The following RBFOX1 variants were observed in gnomAD, a reference collection of about 807,000 sequenced individuals.
RBFOX1 encodes RNA binding protein fox-1 homolog 1.
Under a neutral mutation model 57.7 loss-of-function variants are expected in RBFOX1, and 8 were observed. The ratio of observed to expected loss-of-function variants is 0.14; its 90% CI spans 0.08 to 0.25. The LOEUF (loss-of-function observed/expected upper bound fraction) is 0.25. RBFOX1 is among the 10% of genes least tolerant of loss of function. The probability of loss-of-function intolerance (pLI) is 1.00; values close to 1 mark genes in which losing one functional copy is unlikely to be tolerated. For synonymous variants in RBFOX1, 326 were observed against 222.4 expected (o/e 1.47, Z -4.15); for missense variants, 611 against 548.5 (o/e 1.11, Z -1.14).
At chr16:5,856,604 T>TATATATATATATA (rs776623035) in intron 3 of RBFOX1, among the ~76,000 whole-genome samples, 4 of 68,108 alleles carry the variant, frequency 5.9e-5, no homozygotes, top group East Asian at 5.4e-4. Context: ...TATATATATA[T>TATATATATATATA]AATCTTAGCC....
chr16:5,936,140 T>C (rs61115346), intron 4 of RBFOX1, among the ~76,000 whole-genome samples: 8 of 152,270 alleles, frequency 5.3e-5, no homozygotes, highest in African/African-American at 1.9e-4. Context: ...GGTTGTTGTT[T>C]TGAGACAGAG....
intron 3 of RBFOX1, among the ~76,000 whole-genome samples, chr16:6,811,772 C>T (rs902697629): frequency 2.6e-5 from 4 of 152,116 alleles, no homozygotes; most frequent in African/African-American, 7.2e-5. Flanking sequence ...GCCTGTAATC[C>T]CAACTACTGG....
chr16:7,509,219 C>A (rs2074290440), intron 4 of RBFOX1, among the ~76,000 whole-genome samples: 1 of 152,190 alleles, frequency 6.6e-6, no homozygotes. Flanking sequence ...TAGCATTTGT[C>A]ACCCCTGGAA....
chr16:6,088,823 G>T (rs1054099069), intron 1 of RBFOX1, among the ~76,000 whole-genome samples: 9 of 152,112 alleles, frequency 5.9e-5, no homozygotes, highest in Non-Finnish European at 1.3e-4. Context: ...CCGGCCAGGC[G>T]CGGTGGCTCA....
chr16:5,318,280 C>A (rs377604078), intron 1 of RBFOX1, among the ~76,000 whole-genome samples: 8 of 152,140 alleles, frequency 5.3e-5, no homozygotes, highest in African/African-American at 1.9e-4. Flanking sequence ...AGGCATTCAC[C>A]ACCACACCCG....
intron 2 of RBFOX1, among the ~76,000 whole-genome samples, chr16:5,589,821 G>T (rs1351240002): frequency 6.6e-6 from 1 of 151,996 alleles, no homozygotes; most frequent in Admixed American, 6.6e-5. Context: ...CCAACTCTAC[G>T]TGACCCCCAG....
intron 4 of RBFOX1, among the ~76,000 whole-genome samples, chr16:5,989,759 G>A (rs2060354825): frequency 6.6e-6 from 1 of 151,660 alleles, no homozygotes; most frequent in African/African-American, 2.4e-5. Context: ...TTGGTCATGA[G>A]AATGATCCTG....
intron 2 of RBFOX1, among the ~76,000 whole-genome samples, chr16:6,359,840 C>G (rs890767026): frequency 3.9e-5 from 6 of 152,008 alleles, no homozygotes; most frequent in African/African-American, 1.2e-4. Flanking sequence ...AAAAAAATGC[C>G]CTCAAAACAA....
chr16:7,594,808 T>A (rs988314689), intron 7 of RBFOX1, among the ~76,000 whole-genome samples: 3 of 152,176 alleles, frequency 2.0e-5, no homozygotes, highest in Non-Finnish European at 4.4e-5. Flanking sequence ...GGATGGAAGG[T>A]TGTCAAATTC....
chr16:6,850,758 C>G (rs890981376), intron 3 of RBFOX1, among the ~76,000 whole-genome samples: 4 of 152,168 alleles, frequency 2.6e-5, no homozygotes, highest in South Asian at 2.1e-4. Flanking sequence ...TCAAAGATCA[C>G]TCAAATATTG....
intron 1 of RBFOX1, among the ~76,000 whole-genome samples, chr16:6,150,100 A>T (rs928247796): frequency 6.6e-6 from 1 of 152,184 alleles, no homozygotes; most frequent in Non-Finnish European, 1.5e-5. Context: ...ATGAAAAATC[A>T]TGGCTTTTGG....
intron 4 of RBFOX1, among the ~76,000 whole-genome samples, chr16:5,995,890 C>T (rs191491235): frequency 1.3e-5 from 2 of 152,272 alleles, no homozygotes; most frequent in African/African-American, 2.4e-5. Context: ...AGATTTATTT[C>T]TCACAGTTCT....
intron 2 of RBFOX1, among the ~76,000 whole-genome samples, chr16:5,533,867 G>C (rs1597428491): frequency 6.6e-6 from 1 of 152,144 alleles, no homozygotes; most frequent in African/African-American, 2.4e-5. Context: ...CCCAAAGAGA[G>C]GTGGGCAGGG....
chr16:7,438,587 A>C (rs759453179), intron 4 of RBFOX1, among the ~76,000 whole-genome samples: 1 of 152,136 alleles, frequency 6.6e-6, no homozygotes, highest in East Asian at 1.9e-4. Flanking sequence ...CTGAATCCCA[A>C]ACTTGTGTGC....
chr16:7,345,553 T>G (rs1275971930), intron 4 of RBFOX1, among the ~76,000 whole-genome samples: 1 of 152,066 alleles, frequency 6.6e-6, no homozygotes, highest in Non-Finnish European at 1.5e-5. Context: ...GGGCCTAAGA[T>G]TTGTGTGGGC....
At position 7,227,891 on chromosome 16, in the gene RBFOX1, C is replaced by G. The variant is rs532641679; in HGVS notation, c.27+175793C>G. Among the ~76,000 whole-genome samples the G allele has an allele frequency of 5.9e-5, 9 of 152,344 alleles. No individual in the cohort carries two copies. The South Asian group carries it at 1.9e-3, about 32-fold the overall frequency. On this transcript the variant is annotated intron_variant, in intron 4 of 15. Transcript: ENST00000550418. ...TCCTTGCTTTAATGATATTAGCTCA[C>G]GTGGTTATCCTTTCCCTTCTAGCAG...
intron 2 of RBFOX1, among the ~76,000 whole-genome samples, chr16:6,534,758 G>T (rs752040520): frequency 2.0e-5 from 3 of 152,142 alleles, no homozygotes; most frequent in Non-Finnish European, 4.4e-5. Flanking sequence ...TAAGGAGATG[G>T]CATTTCTATG....
chr16:5,815,190 C>A (rs911664849), intron 3 of RBFOX1, among the ~76,000 whole-genome samples: 1 of 131,272 alleles, frequency 7.6e-6, no homozygotes, highest in African/African-American at 2.9e-5. Context: ...GAGACAGTCT[C>A]ACTATGTTGC....
At chr16:7,341,538 C>T (rs1472079183) in intron 4 of RBFOX1, among the ~76,000 whole-genome samples, 1 of 152,124 alleles carries the variant, frequency 6.6e-6, no homozygotes, top group African/African-American at 2.4e-5. Flanking sequence ...ACTCTTGAGT[C>T]TCCACCCCAC....
Sources: gnomAD v4.1 joint callset for allele counts (sites outside exome capture counted in the v4.1 genomes callset) on GRCh38, gnomAD v4.1.1 for gene constraint, MANE v1.5 for transcripts, NCBI Gene and HGNC (gene_info 2026-07-23, HGNC 2026-07-21) for gene names.